The following XRCC5 variants were observed in gnomAD, a reference collection of about 807,000 sequenced individuals.
The protein encoded by XRCC5 is X-ray repair cross complementing 5, also known as DNA repair protein Ku80.
Under a neutral mutation model 95.7 loss-of-function variants are expected in XRCC5, and 12 were observed. The ratio of observed to expected loss-of-function variants is 0.13; its 90% confidence interval spans 0.08 to 0.20. The LOEUF (loss-of-function observed/expected upper bound fraction) is 0.20, where lower values mean the gene tolerates loss of function less well. XRCC5 is among the 10% of genes least tolerant of loss of function. XRCC5 has a pLI of 1.00. For synonymous variants in XRCC5, 281 were observed against 290.3 expected (o/e 0.97, Z 0.33); for missense variants, 595 against 873.9 (o/e 0.68, Z 4.02).
chr2:216,162,955 C>T (rs1032244392), intron 16 of XRCC5, among the ~76,000 whole-genome samples: 6 of 152,078 alleles, frequency 3.9e-5, no homozygotes, highest in Non-Finnish European at 7.4e-5. Flanking sequence ...GTTCATTTAC[C>T]CTTTAAATGG....
intron 14 of XRCC5, among the ~76,000 whole-genome samples, chr2:216,151,228 A>C (rs1360653743): frequency 6.6e-6 from 1 of 152,248 alleles, no homozygotes; most frequent in African/African-American, 2.4e-5. Flanking sequence ...CTGTAGACCC[A>C]AAATATACTA....
chr2:216,186,043 A>G (rs1455241867), intron 16 of XRCC5, among the ~76,000 whole-genome samples: 7 of 152,246 alleles, frequency 4.6e-5, no homozygotes, highest in Non-Finnish European at 1.5e-5. Flanking sequence ...TAAATTGGGA[A>G]ATATCCTAAA....
chr2:216,204,508 C>A, intron 20 of XRCC5, 112 bp downstream of exon 20: 1 of 1,136,280 alleles, frequency 8.8e-7, no homozygotes, highest in Non-Finnish European at 1.3e-6. Context: ...GTTTTAATTT[C>A]CAATACACCA....
intron 16 of XRCC5, among the ~76,000 whole-genome samples, chr2:216,168,988 AAAC>A (rs1231966715): frequency 6.6e-6 from 1 of 152,228 alleles, no homozygotes; most frequent in Non-Finnish European, 1.5e-5. Flanking sequence ...ACACTTTTTA[AAAC>A]AACATTATAG....
chr2:216,148,326 G>C, intron 14 of XRCC5, 50 bp downstream of exon 14: 2 of 1,537,908 alleles, frequency 1.3e-6, no homozygotes, highest in Non-Finnish European at 1.8e-6. Context: ...TAAGAGTTGT[G>C]GTCATTTTAG....
intron 16 of XRCC5, among the ~76,000 whole-genome samples, chr2:216,184,961 G>C (rs747762310): frequency 1.3e-5 from 2 of 152,128 alleles, no homozygotes; most frequent in Admixed American, 1.3e-4. Context: ...CCAGGCTCCT[G>C]TGTCTAAAGA....
intron 6 of XRCC5, among the ~76,000 whole-genome samples, chr2:216,125,260 C>T (rs1293900357): frequency 2.0e-5 from 3 of 150,726 alleles, no homozygotes; most frequent in African/African-American, 4.9e-5. Flanking sequence ...TGCAATGGCG[C>T]GATCTCAGCT....
At chr2:216,165,406 C>G (rs1689037377) in intron 16 of XRCC5, among the ~76,000 whole-genome samples, 1 of 152,246 alleles carries the variant, frequency 6.6e-6, no homozygotes, top group Admixed American at 6.5e-5. Flanking sequence ...ACCAGACTCT[C>G]CACAGAGCTG....
intron 14 of XRCC5, among the ~76,000 whole-genome samples, chr2:216,152,648 T>G (rs1688766479): frequency 6.6e-6 from 1 of 150,666 alleles, no homozygotes; most frequent in African/African-American, 2.5e-5. Flanking sequence ...TTTTTTTTCT[T>G]GTTTTTTTTT....
chr2:216,200,651 C>T (rs936819372), intron 19 of XRCC5, among the ~76,000 whole-genome samples: 14 of 152,154 alleles, frequency 9.2e-5, no homozygotes, highest in African/African-American at 3.4e-4. Flanking sequence ...ATTTCCATCA[C>T]CACATAAGCC....
chr2:216,156,399 C>T (rs1482784274), intron 14 of XRCC5: 2 of 808,404 alleles, frequency 2.5e-6, no homozygotes, highest in Admixed American at 1.8e-5. Flanking sequence ...AAGTGCTTGG[C>T]AACAAGTCTG....
At chr2:216,112,769 A>G (rs1189001269) in intron 1 of XRCC5, among the ~76,000 whole-genome samples, 2 of 152,280 alleles carry the variant, frequency 1.3e-5, no homozygotes, top group East Asian at 1.9e-4. Context: ...AAGAAGTGGC[A>G]GCTATCTGGA....
At chr2:216,143,403 A>AG (rs1697201497) in intron 13 of XRCC5, among the ~76,000 whole-genome samples, 1 of 152,230 alleles carries the variant, frequency 6.6e-6, no homozygotes, top group African/African-American at 2.4e-5. Context: ...TTCACTGTGG[A>AG]GAAAAAGAGA....
At chr2:216,113,579 G>A (rs1266480179) in intron 2 of XRCC5, among the ~76,000 whole-genome samples, 1 of 152,184 alleles carries the variant, frequency 6.6e-6, no homozygotes, top group Non-Finnish European at 1.5e-5. Flanking sequence ...ATGGTTCTGT[G>A]GGATGACTGG....
At chr2:216,191,630 C>T (rs529228102) in intron 17 of XRCC5, among the ~76,000 whole-genome samples, 3 of 152,192 alleles carry the variant, frequency 2.0e-5, no homozygotes, top group African/African-American at 4.8e-5. Flanking sequence ...AGGCTGGTCT[C>T]GAACTCCTGA....
intron 14 of XRCC5, among the ~76,000 whole-genome samples, chr2:216,155,794 A>C (rs1434391125): frequency 6.6e-6 from 1 of 152,364 alleles, no homozygotes; most frequent in South Asian, 2.1e-4. Context: ...ATACACATCT[A>C]AGATGTATCT....
intron 14 of XRCC5, among the ~76,000 whole-genome samples, chr2:216,155,969 C>T (rs1483485281): frequency 6.6e-6 from 1 of 152,094 alleles, no homozygotes; most frequent in African/African-American, 2.4e-5. Context: ...TTCCCTATAC[C>T]TGAGGTCCCC....
chr2:216,175,288 T>G lies in XRCC5; in HGVS notation c.1834+13240T>G, dbSNP rs1238603264. On this transcript the variant is annotated intron_variant, in intron 16 of 20. Transcript: ENST00000392132. ...CACCTCTGCTGCCACCACCTCTACT[T>G]CTACCACCAGAGCCTCCTCTTCCAC... 6.8e-6 allele frequency: 3 copies of G among 439,746 alleles called. No homozygotes were observed. In the Admixed American group the frequency reaches 8.4e-5, roughly 12 times the overall value. 27.2% of individuals were successfully genotyped at this position (439,746 alleles called of 1,614,324 possible). A position where few individuals can be genotyped will look rare whatever the true frequency, so the allele number is the denominator to read the frequency against.
chr2:216,118,778 A>AT (rs1329820472), intron 4 of XRCC5, among the ~76,000 whole-genome samples: 9 of 152,108 alleles, frequency 5.9e-5, no homozygotes, highest in Non-Finnish European at 1.3e-4. Flanking sequence ...GGGAAGGGAT[A>AT]TTTTTTCATC....
Sources: gnomAD v4.1 joint callset for allele counts (sites outside exome capture counted in the v4.1 genomes callset) on GRCh38, gnomAD v4.1.1 for gene constraint, MANE v1.5 for transcripts, NCBI Gene and HGNC (gene_info 2026-07-23, HGNC 2026-07-21) for gene names.